Variants in SPATA13 observed in about 807,000 individuals in gnomAD.
The protein encoded by SPATA13 is spermatogenesis-associated protein 13.
A neutral mutation model predicts 104.0 loss-of-function variants in SPATA13; 50 were observed. The observed-to-expected ratio is 0.48, with a 90% CI of 0.38 to 0.61. The LOEUF (loss-of-function observed/expected upper bound fraction) is 0.61, where lower values mean the gene tolerates loss of function less well. Among genes scored for constraint, SPATA13 ranks in the 20% least tolerant of loss-of-function variants. The pLI is 0.00. For synonymous variants in SPATA13, 606 were observed against 667.5 expected (o/e 0.91, Z 1.42); for missense variants, 1,524 against 1,690.6 (o/e 0.90, Z 1.73).
At chr13:24,217,786 G>A (rs1871339953) in intron 1 of SPATA13, among the ~76,000 whole-genome samples, 1 of 152,176 alleles carries the variant, frequency 6.6e-6, no homozygotes, top group African/African-American at 2.4e-5. Flanking sequence ...CTCGGACCTG[G>A]GAGGGAGGAG....
chr13:24,135,247 C>G (rs1428617907), intron 3 of SPATA13, among the ~76,000 whole-genome samples: 1 of 152,148 alleles, frequency 6.6e-6, no homozygotes, highest in Admixed American at 6.5e-5. Flanking sequence ...CTTCTCTCAT[C>G]TTTTCCTCTG....
At chr13:24,179,961 T>A (rs774493965) in intron 1 of SPATA13, among the ~76,000 whole-genome samples, 2 of 152,224 alleles carry the variant, frequency 1.3e-5, no homozygotes, top group African/African-American at 2.4e-5. Context: ...ACAGCTTTTC[T>A]TTTTACTTTC....
At chr13:24,109,384 G>C (rs1382725990) in intron 3 of SPATA13, among the ~76,000 whole-genome samples, 1 of 152,160 alleles carries the variant, frequency 6.6e-6, no homozygotes, top group Non-Finnish European at 1.5e-5. Context: ...TTGGTTCCAA[G>C]TCTTTACTAT....
intron 2 of SPATA13, among the ~76,000 whole-genome samples, chr13:24,004,762 T>C (rs1252960458): frequency 1.3e-5 from 2 of 152,194 alleles, no homozygotes; most frequent in Non-Finnish European, 2.9e-5. Context: ...CCGTGAAAGC[T>C]GTGGGAGAGT....
At chr13:24,098,594 TA>T (rs34901396) in intron 3 of SPATA13, among the ~76,000 whole-genome samples, 166 of 88,158 alleles carry the variant, frequency 1.9e-3, no homozygotes, top group Admixed American at 4.4e-3. Context: ...GAGACTGTCT[TA>T]AAAAAAAAAA....
intron 2 of SPATA13, among the ~76,000 whole-genome samples, chr13:24,007,163 G>T (rs1022045824): frequency 6.6e-6 from 1 of 152,150 alleles, no homozygotes; most frequent in Non-Finnish European, 1.5e-5. Flanking sequence ...GCCAAGCATT[G>T]CAAGGGCCTG....
intron 1 of SPATA13, among the ~76,000 whole-genome samples, chr13:24,176,425 G>A (rs948858735): frequency 9.9e-5 from 15 of 152,100 alleles, no homozygotes; most frequent in African/African-American, 3.6e-4. Context: ...AGAAAAGTTG[G>A]AAAATACAGC....
rs139867880 is a variant in SPATA13 at position 24,141,813 on chromosome 13, A to G, written c.-111-81006A>G. On this transcript the variant is annotated intron_variant, in intron 3 of 14. Coordinates refer to the SPATA13 transcript ENST00000424834. ...TGAACGTTGTTATTTTTTCTAATTCATGCATCACTTCAAGGGTAATAATGT... is the reference window on the plus strand; with the variant it reads ...TGAACGTTGTTATTTTTTCTAATTCGTGCATCACTTCAAGGGTAATAATGT... Among the ~76,000 whole-genome samples the G allele has an allele frequency of 1.3e-3, 205 of 152,310 alleles. 1 individual carries two copies. The highest frequency in any genetic ancestry group is 4.8e-3 in the African/African-American group (198 of 41,552).
intron 1 of SPATA13, among the ~76,000 whole-genome samples, chr13:24,197,480 C>T (rs918335988): frequency 6.6e-6 from 1 of 152,244 alleles, no homozygotes. Flanking sequence ...TCAGGAAAGG[C>T]GTGCTGAGAT....
chr13:24,260,988 G>A (rs765145003), intron 4 of SPATA13, among the ~76,000 whole-genome samples: 2 of 152,224 alleles, frequency 1.3e-5, no homozygotes, highest in Non-Finnish European at 2.9e-5. Context: ...CTACAAGTCA[G>A]AGGACCTCAG....
intron 2 of SPATA13, among the ~76,000 whole-genome samples, chr13:23,987,651 A>C (rs549733761): frequency 6.6e-6 from 1 of 152,132 alleles, no homozygotes; most frequent in Non-Finnish European, 1.5e-5. Flanking sequence ...TTGGTGTTTT[A>C]TTTACCATTT....
chr13:24,150,895 T>A (rs1882081190), intron 3 of SPATA13, among the ~76,000 whole-genome samples: 1 of 152,164 alleles, frequency 6.6e-6, no homozygotes, highest in Non-Finnish European at 1.5e-5. Flanking sequence ...ACACGGAGAC[T>A]GCTGTTTAGA....
Position 24,278,966 on chromosome 13 carries a change from CTCCT to C in SPATA13, c.2165-5165_2165-5162del, listed in dbSNP as rs1340748302. The C allele has an allele frequency of 1.1e-3, 495 of 443,994 alleles. 6 individuals are homozygous for C. Among genetic ancestry groups the C allele is most frequent in the African/African-American group, 3.1e-3 (96 of 30,734 alleles). The allele number at this position is 443,994 out of a possible 1,614,324, so 27.5% of individuals were successfully genotyped here. A position where few individuals can be genotyped will look rare whatever the true frequency, so the allele number is the denominator to read the frequency against. On this transcript the variant is annotated intron_variant, in intron 4 of 12. Coordinates refer to ENST00000382108, the MANE Select transcript of SPATA13 (RefSeq NM_001166271.3). ...CTTCCTTCCCTCCTTCCTTCCTTCC[CTCCT>C]TCCCTCCCTCCCTCCCTCCCTCCCT... is the stretch of plus-strand genomic sequence containing the variant.
chr13:24,036,013 CAAA>C (rs56837096), intron 3 of SPATA13, among the ~76,000 whole-genome samples: 56 of 112,532 alleles, frequency 5.0e-4, no homozygotes, highest in East Asian at 1.5e-3. Context: ...GACCCTGTCT[CAAA>C]AAAAAAAAAA....
intron 3 of SPATA13, among the ~76,000 whole-genome samples, chr13:24,143,941 GC>G (rs147423017): frequency 0.041 from 6,204 of 152,260 alleles, 202 homozygotes; most frequent in African/African-American, 0.096. Context: ...TCATGTGGTT[GC>G]CCTGAAACCA....
At chr13:24,063,169 C>T (rs527598258) in intron 3 of SPATA13, among the ~76,000 whole-genome samples, 2 of 152,202 alleles carry the variant, frequency 1.3e-5, no homozygotes, top group African/African-American at 4.8e-5. Flanking sequence ...GTCTGCCCCA[C>T]GTGAGGGTGA....
intron 2 of SPATA13, among the ~76,000 whole-genome samples, chr13:24,013,959 A>C (rs890667724): frequency 4.6e-5 from 7 of 151,938 alleles, no homozygotes; most frequent in Non-Finnish European, 1.0e-4. Flanking sequence ...TGCTGTACTG[A>C]CTCGATGTGC....
intron 3 of SPATA13, among the ~76,000 whole-genome samples, chr13:24,081,404 A>T (rs1052555446): frequency 2.0e-5 from 3 of 151,962 alleles, no homozygotes; most frequent in African/African-American, 7.3e-5. Flanking sequence ...CTAAGCACTT[A>T]TGTCCTTGGA....
intron 3 of SPATA13, among the ~76,000 whole-genome samples, chr13:24,153,723 G>A (rs1476308222): frequency 6.6e-6 from 1 of 152,200 alleles, no homozygotes; most frequent in Non-Finnish European, 1.5e-5. Flanking sequence ...GATCTACACA[G>A]GAGAACAGAG....
Sources: allele counts gnomAD v4.1 joint callset (sites outside exome capture counted in the v4.1 genomes callset), GRCh38; gene constraint gnomAD v4.1.1; transcripts MANE v1.5; gene names NCBI Gene and HGNC (gene_info 2026-07-23, HGNC 2026-07-21).